ZFHX3: variants seen among roughly 807,000 people sequenced by gnomAD.
The protein encoded by ZFHX3 is zinc finger homeobox 3.
In ZFHX3, 42 loss-of-function variants were observed where a neutral mutation model predicts 279.1. The ratio of observed to expected loss-of-function variants is 0.15; its 90% CI spans 0.12 to 0.19. The LOEUF (loss-of-function observed/expected upper bound fraction) is 0.19, where lower values mean the gene tolerates loss of function less well. ZFHX3 is among the 10% of genes least tolerant of loss of function. The pLI, the probability that ZFHX3 is intolerant of heterozygous loss-of-function variation, is 1.00. For missense variants in ZFHX3, 4,981 were observed against 4,754.0 expected (o/e 1.05, Z -1.40); for synonymous variants, 2,293 against 1,957.8 (o/e 1.17, Z -4.52).
intron 9 of ZFHX3, chr16:72,790,678 T>C (rs140389105): frequency 5.3e-5 from 8 of 152,330 alleles, no homozygotes; most frequent in African/African-American, 1.7e-4. Context: ...AGAGAAGATA[T>C]GTGTGACTCT....
At chr16:72,861,014 T>G (rs999155377) in intron 4 of ZFHX3, among the ~76,000 whole-genome samples, 2 of 152,190 alleles carry the variant, frequency 1.3e-5, no homozygotes, top group African/African-American at 4.8e-5. Flanking sequence ...TCATCTTCTC[T>G]TACCTGGCCA....
intron 7 of ZFHX3, among the ~76,000 whole-genome samples, chr16:73,126,227 C>A (rs994206435): frequency 6.6e-6 from 1 of 152,040 alleles, no homozygotes; most frequent in African/African-American, 2.4e-5. Context: ...GCAATCACAG[C>A]GGGGCACCAG....
chr16:72,854,191 T>C (rs1426301315), intron 4 of ZFHX3, among the ~76,000 whole-genome samples: 1 of 152,234 alleles, frequency 6.6e-6, no homozygotes, highest in African/African-American at 2.4e-5. Flanking sequence ...ATAAAGGATA[T>C]GGCCTTGCTT....
chr16:73,528,392 A>G (rs1334882338), intron 2 of ZFHX3, among the ~76,000 whole-genome samples: 1 of 152,232 alleles, frequency 6.6e-6, no homozygotes, highest in African/African-American at 2.4e-5. Flanking sequence ...CATTTCTCCA[A>G]CCATCCATCC....
Position 73,550,122 on chromosome 16 carries a change from G to C in ZFHX3, c.-1546-93864C>G, listed in dbSNP as rs573438930. ...GCATTGATCAGCCCTGCTGTCTGCT[G>C]GTCTCCGAGGTGAGGCCAGGTCCCC... On this transcript the variant is annotated intron_variant, in intron 2 of 17. Transcript: ENST00000641206. 2.9e-3 allele frequency among the ~76,000 whole-genome samples: 439 copies of C among 152,248 alleles called. 3 individuals are homozygous for C. Among genetic ancestry groups the C allele is most frequent in the African/African-American group, 9.8e-3 (408 of 41,542 alleles).
chr16:73,766,143 CT>C (rs1480782476), intron 1 of ZFHX3, among the ~76,000 whole-genome samples: 2 of 152,178 alleles, frequency 1.3e-5, no homozygotes, highest in Non-Finnish European at 2.9e-5. Flanking sequence ...AAAAAGCATT[CT>C]GTTCCAATGT....
chr16:72,787,450 G>T lies in ZFHX3; in HGVS notation c.10826C>A (p.Ser3609Tyr). The stretch of plus-strand genomic sequence containing the variant: ...CCAAGACTTCCTGGAGGCGTGGGGG[G>T]AAGCGGAGGAGGGGGCGGCGGCCGA... ...PPSAAAPSSA[S>Y]PHASRKSWPQ... The change falls in exon 10 of 10, where the codon TCC becomes TAC. Residue 3609 changes from serine (S) to tyrosine (Y), a missense_variant. Physicochemically the swap from Ser to Tyr is moderately radical, Grantham distance 144. Around this residue, in one of 7 missense-constraint regions of ZFHX3, gnomAD observed 1,034 missense variants for 786.0 expected, o/e 1.32. Transcript: ENST00000268489. The T allele has an allele frequency of 1.3e-6, 2 of 1,547,172 alleles. No homozygotes were observed. The highest frequency in any genetic ancestry group is 1.7e-5 in the Admixed American group (1 of 57,990).
Position 72,795,941 on chromosome 16 carries a change from T to A in ZFHX3, c.6741A>T (p.Thr2247=). The part of the protein sequence containing the change: ...EYWGSKRSSR[T]RFTDYQLRVL... ...CCCTCAGCTGGTAGTCCGTAAACCT[T>A]GTTCTTGAAGACCTCTTGCTTCCCC... The change falls in exon 9 of 10, where the codon ACA becomes ACT. Residue 2247 remains threonine, a synonymous_variant. Coordinates refer to ENST00000268489, the MANE Select transcript of ZFHX3 (RefSeq NM_006885.4). 1 of 1,614,172 alleles carries A rather than the reference T, an allele frequency of 6.2e-7. No individual in the cohort carries two copies. Among genetic ancestry groups the A allele is most frequent in the Non-Finnish European group, 8.5e-7 (1 of 1,180,034 alleles).
intron 1 of ZFHX3, among the ~76,000 whole-genome samples, chr16:73,712,955 C>T (rs533092323): frequency 2.4e-4 from 36 of 152,288 alleles, no homozygotes; most frequent in Admixed American, 5.9e-4. Flanking sequence ...ATGGGGGCTC[C>T]GCATTGCTCA....
intron 2 of ZFHX3, chr16:73,679,443 G>T (rs1408836435): frequency 1.3e-5 from 2 of 152,138 alleles, no homozygotes; most frequent in African/African-American, 4.8e-5. Context: ...ACAGCAAAGA[G>T]GCTCCGGAAC....
At position 72,787,607 on chromosome 16, in the gene ZFHX3, T is replaced by G. The variant is rs1347767440; in HGVS notation, c.10669A>C (p.Thr3557Pro). 6.2e-7 allele frequency: 1 copy of G among 1,613,774 alleles called. No individual in the cohort carries two copies. The highest frequency in any genetic ancestry group is 8.5e-7 in the Non-Finnish European group (1 of 1,179,936). The change falls in exon 10 of 10, where the codon ACA (threonine) becomes CCA (proline). Residue 3557 changes from threonine (T) to proline (P), a missense_variant. By Grantham distance (38) the Thr-to-Pro change is conservative (BLOSUM62 -1). Transcript: ENST00000268489. ...GCGTTTCTTGCTGCTCTCGTGATTGTTCTGTGTTTGTGCAAGGCCGACTCG... is the reference window on the plus strand; with the variant it reads ...GCGTTTCTTGCTGCTCTCGTGATTGGTCTGTGTTTGTGCAAGGCCGACTCG... ...HLESALHKHR[T>P]ITRAARNAKE...
intron 1 of ZFHX3, among the ~76,000 whole-genome samples, chr16:73,778,236 TAAAA>T (rs10654824): frequency 0.019 from 1,098 of 58,668 alleles, 17 homozygotes; most frequent in East Asian, 0.036. Context: ...GAAGGAGTGT[TAAAA>T]AAAAAAAAAA....
chr16:72,801,877 T>C (rs1202759535), intron 7 of ZFHX3, among the ~76,000 whole-genome samples: 4 of 148,826 alleles, frequency 2.7e-5, no homozygotes, highest in Non-Finnish European at 4.5e-5. Flanking sequence ...AGTCCTCAGC[T>C]GAGGGGGAGC....
At chr16:73,003,641 G>C (rs369275401) in intron 1 of ZFHX3, among the ~76,000 whole-genome samples, 1 of 152,088 alleles carries the variant, frequency 6.6e-6, no homozygotes, top group African/African-American at 2.4e-5. Flanking sequence ...GGGAGGCAGG[G>C]ATTGCAGTAA....
intron 1 of ZFHX3, among the ~76,000 whole-genome samples, chr16:73,822,639 T>C (rs1960781190): frequency 6.6e-6 from 1 of 152,198 alleles, no homozygotes; most frequent in South Asian, 2.1e-4. Flanking sequence ...ATCGTTCTCA[T>C]CATTTACTGT....
At position 73,680,468 on chromosome 16, in the gene ZFHX3, G is replaced by A. The variant is rs534891038; in HGVS notation, c.-1607-228C>T. Among the ~76,000 whole-genome samples the A allele has an allele frequency of 4.6e-5, 7 of 152,262 alleles. No individual in the cohort carries two copies. In the South Asian group the frequency reaches 1.5e-3, roughly 32 times the overall value. ...AGCACTGTTTCCAATTGCAAAGAAAGCCTGTGCTCTCCCCTTCCAAGAAAG... is the reference window on the plus strand; with the variant it reads ...AGCACTGTTTCCAATTGCAAAGAAAACCTGTGCTCTCCCCTTCCAAGAAAG... On this transcript the variant is annotated intron_variant, in intron 1 of 17. Transcript: ENST00000641206.
At chr16:73,031,632 GC>G (rs1744449164) in intron 1 of ZFHX3, among the ~76,000 whole-genome samples, 1 of 152,186 alleles carries the variant, frequency 6.6e-6, no homozygotes, top group South Asian at 2.1e-4. Flanking sequence ...CTAAGGCACT[GC>G]TAATTAAAAT....
chr16:73,105,262 C>CAT (rs1265076728), intron 7 of ZFHX3, among the ~76,000 whole-genome samples: 46 of 147,294 alleles, frequency 3.1e-4, no homozygotes, highest in Middle Eastern at 3.6e-3. Context: ...TATATATATG[C>CAT]ATATATATAT....
At chr16:73,665,434 G>A (rs1000568275) in intron 2 of ZFHX3, among the ~76,000 whole-genome samples, 3 of 151,488 alleles carry the variant, frequency 2.0e-5, no homozygotes, top group East Asian at 1.9e-4. Context: ...GGCTGGCCTC[G>A]AACTCCTGAC....
Sources: allele counts gnomAD v4.1 joint callset (sites outside exome capture counted in the v4.1 genomes callset), GRCh38; gene constraint gnomAD v4.1.1; regional missense constraint gnomAD v4.1.1; transcripts MANE v1.5; gene names NCBI Gene and HGNC (gene_info 2026-07-23, HGNC 2026-07-21).